FHIT: variants seen among roughly 807,000 people sequenced by gnomAD.
The protein encoded by FHIT is bis(5'-adenosyl)-triphosphatase.
FHIT carries 19 observed loss-of-function variants against 17.9 expected under a neutral mutation model. The ratio of observed to expected loss-of-function variants is 1.06; its 90% CI spans 0.74 to 1.56. The LOEUF is 1.56. FHIT is among the 40% of genes most tolerant of loss of function. FHIT has a pLI of 0.00. For missense variants in FHIT, 248 were observed against 189.2 expected (o/e 1.31, Z -1.82); for synonymous variants, 81 against 69.7 (o/e 1.16, Z -0.81).
chr3:60,873,871 A>C (rs1704527816), intron 3 of FHIT, among the ~76,000 whole-genome samples: 1 of 152,190 alleles, frequency 6.6e-6, no homozygotes, highest in Admixed American at 6.5e-5. Context: ...TAGAAAGTGC[A>C]ACAGCAAGGT....
At chr3:59,964,232 C>T (rs1403946103) in intron 7 of FHIT, among the ~76,000 whole-genome samples, 1 of 151,876 alleles carries the variant, frequency 6.6e-6, no homozygotes, top group Admixed American at 6.6e-5. Context: ...GCTTTTAGAC[C>T]CAGAAAATTC....
intron 5 of FHIT, among the ~76,000 whole-genome samples, chr3:60,375,529 C>T (rs1700517149): frequency 6.6e-6 from 1 of 152,014 alleles, no homozygotes. Context: ...GAGCAGAGAT[C>T]ACGCCACTGC....
chr3:60,351,317 T>G (rs1025123526), intron 5 of FHIT, among the ~76,000 whole-genome samples: 1 of 152,196 alleles, frequency 6.6e-6, no homozygotes, highest in Non-Finnish European at 1.5e-5. Context: ...AGCAATACAT[T>G]GAATTACACT....
intron 3 of FHIT, among the ~76,000 whole-genome samples, chr3:60,985,663 G>A (rs1710692256): frequency 6.6e-6 from 1 of 152,304 alleles, no homozygotes; most frequent in South Asian, 2.1e-4. Flanking sequence ...CCACAGATTG[G>A]TTCCACCCCC....
At chr3:60,444,844 T>TA (rs200142955) in intron 5 of FHIT, among the ~76,000 whole-genome samples, 8,360 of 150,668 alleles carry the variant, frequency 0.055, 365 homozygotes, top group African/African-American at 0.11. Context: ...TAAAGTATAA[T>TA]AAAAAAAAAT....
intron 8 of FHIT, among the ~76,000 whole-genome samples, chr3:59,763,443 G>T (rs1481404659): frequency 6.6e-6 from 1 of 152,220 alleles, no homozygotes; most frequent in Non-Finnish European, 1.5e-5. Flanking sequence ...CCTATTTGAA[G>T]AAGCTGATCT....
At chr3:59,922,581 G>A (rs1705462328) in intron 7 of FHIT, among the ~76,000 whole-genome samples, 167 bp from the exon 8 acceptor site, 1 of 152,172 alleles carries the variant, frequency 6.6e-6, no homozygotes. Context: ...AATCTGCCGA[G>A]AAGAGAGTGC....
chr3:60,336,999 A>G lies in FHIT; in HGVS notation c.103+199861T>C, dbSNP rs141371697. Reference sequence around the variant, plus strand: ...ATCAGTGGACAGAAATTTCATTTATATATACTGGTTACGTACTTGCCACGA... The same window carrying G: ...ATCAGTGGACAGAAATTTCATTTATGTATACTGGTTACGTACTTGCCACGA... On this transcript the variant is annotated intron_variant, in intron 5 of 9. Coordinates refer to ENST00000492590, the MANE Select transcript of FHIT (RefSeq NM_002012.4). 3.0e-3 allele frequency among the ~76,000 whole-genome samples: 462 copies of G among 152,250 alleles called. 1 individual carries two copies. Among genetic ancestry groups the G allele is most frequent in the African/African-American group, 0.011 (441 of 41,556 alleles).
At chr3:60,096,058 G>A (rs2107117881) in intron 5 of FHIT, among the ~76,000 whole-genome samples, 1 of 152,268 alleles carries the variant, frequency 6.6e-6, no homozygotes, top group Non-Finnish European at 1.5e-5. Context: ...TGCAAGCCAG[G>A]GACCTCTGGC....
At chr3:60,522,347 G>C (rs1341224469) in intron 5 of FHIT, among the ~76,000 whole-genome samples, 1 of 152,152 alleles carries the variant, frequency 6.6e-6, no homozygotes, top group Non-Finnish European at 1.5e-5. Context: ...CTGACCTCAA[G>C]TGATCACCTG....
chr3:60,947,285 C>T (rs1708681048), intron 3 of FHIT, among the ~76,000 whole-genome samples: 1 of 152,084 alleles, frequency 6.6e-6, no homozygotes, highest in South Asian at 2.1e-4. Flanking sequence ...AAAAAAAACC[C>T]TCAAATATTT....
chr3:61,031,897 CA>C (rs2033026411), intron 3 of FHIT, among the ~76,000 whole-genome samples: 1 of 152,200 alleles, frequency 6.6e-6, no homozygotes, highest in Admixed American at 6.5e-5. Flanking sequence ...AAAGTAAGTT[CA>C]CCTTCTGTAA....
intron 3 of FHIT, among the ~76,000 whole-genome samples, chr3:60,871,663 T>C (rs1553755072): frequency 6.6e-6 from 1 of 152,100 alleles, no homozygotes; most frequent in Non-Finnish European, 1.5e-5. Context: ...AAATGGAGTC[T>C]TGCTCTGTCA....
chr3:59,948,348 CAAAAA>C (rs35941668), intron 7 of FHIT, among the ~76,000 whole-genome samples: 1 of 116,414 alleles, frequency 8.6e-6, no homozygotes, highest in Non-Finnish European at 1.7e-5. Flanking sequence ...ACTAAAAATA[CAAAAA>C]AAAAAAAAAA....
chr3:60,475,182 T>C (rs759371287), intron 5 of FHIT, among the ~76,000 whole-genome samples: 1 of 151,562 alleles, frequency 6.6e-6, no homozygotes, highest in Non-Finnish European at 1.5e-5. Flanking sequence ...CCAGAGACTC[T>C]TTGTTCATCT....
At chr3:60,790,668 A>C (rs1333882337) in intron 4 of FHIT, among the ~76,000 whole-genome samples, 1 of 152,194 alleles carries the variant, frequency 6.6e-6, no homozygotes, top group Non-Finnish European at 1.5e-5. Context: ...CATAGGATGA[A>C]TATATGGAGC....
At chr3:60,429,179 T>C (rs1009041255) in intron 5 of FHIT, among the ~76,000 whole-genome samples, 1 of 152,042 alleles carries the variant, frequency 6.6e-6, no homozygotes, top group African/African-American at 2.4e-5. Context: ...ATAAAAATTT[T>C]GGTCTAGTTT....
intron 5 of FHIT, among the ~76,000 whole-genome samples, chr3:60,043,564 A>G (rs1323326383): frequency 6.6e-6 from 1 of 152,184 alleles, no homozygotes; most frequent in African/African-American, 2.4e-5. Context: ...AATCAACCCC[A>G]TGCTCTTGAG....
intron 4 of FHIT, among the ~76,000 whole-genome samples, chr3:60,538,855 CA>C (rs891138751): frequency 1.3e-5 from 2 of 152,044 alleles, no homozygotes; most frequent in Non-Finnish European, 2.9e-5. Flanking sequence ...AAAACCTAGG[CA>C]ATACCATTCA....
Sources: allele counts gnomAD v4.1 joint callset (sites outside exome capture counted in the v4.1 genomes callset), GRCh38; gene constraint gnomAD v4.1.1; transcripts MANE v1.5; gene names NCBI Gene and HGNC (gene_info 2026-07-23, HGNC 2026-07-21).